The following FSTL5 variants were observed in gnomAD, a reference collection of about 807,000 sequenced individuals.
FSTL5 encodes the protein follistatin like 5.
In FSTL5, 62 loss-of-function variants were observed where a neutral mutation model predicts 89.1. The ratio of observed to expected loss-of-function variants is 0.70; its 90% CI spans 0.57 to 0.86. FSTL5 has a LOEUF of 0.86. FSTL5 is among the 40% of genes least tolerant of loss of function. FSTL5 has a pLI of 0.00. For synonymous variants in FSTL5, 383 were observed against 346.2 expected (o/e 1.11, Z -1.18); for missense variants, 1,057 against 1,001.6 (o/e 1.06, Z -0.75).
intron 10 of FSTL5, among the ~76,000 whole-genome samples, chr4:161,532,068 G>A (rs1235846353): frequency 6.6e-6 from 1 of 151,984 alleles, no homozygotes; most frequent in Non-Finnish European, 1.5e-5. Context: ...AGCCGGGCGT[G>A]GTGGTGGGCG....
At chr4:161,869,497 C>T (rs1003016622) in intron 4 of FSTL5, among the ~76,000 whole-genome samples, 3 of 152,152 alleles carry the variant, frequency 2.0e-5, no homozygotes, top group African/African-American at 7.2e-5. Flanking sequence ...TCCACCTTCC[C>T]CAGCTCTAGG....
intron 6 of FSTL5, among the ~76,000 whole-genome samples, chr4:161,721,476 T>C (rs1471141175): frequency 6.6e-6 from 1 of 152,064 alleles, no homozygotes; most frequent in Non-Finnish European, 1.5e-5. Flanking sequence ...TATATACTTA[T>C]CTCCAAACTC....
intron 6 of FSTL5, among the ~76,000 whole-genome samples, chr4:161,728,384 A>T (rs1363046781): frequency 6.6e-6 from 1 of 152,152 alleles, no homozygotes; most frequent in Non-Finnish European, 1.5e-5. Context: ...ACTGTTGATA[A>T]CCAATTGCAA....
chr4:161,594,865 G>A (rs536451337), intron 7 of FSTL5, among the ~76,000 whole-genome samples: 42 of 151,776 alleles, frequency 2.8e-4, no homozygotes, highest in Middle Eastern at 3.4e-3. Flanking sequence ...GTGCTATGCC[G>A]AACAATTTAA....
intron 1 of FSTL5, among the ~76,000 whole-genome samples, chr4:162,152,095 G>A (rs1453967585): frequency 6.6e-6 from 1 of 152,138 alleles, no homozygotes; most frequent in African/African-American, 2.4e-5. Context: ...CACAGACAGG[G>A]AAACAAACAG....
At chr4:162,004,289 T>G (rs1056787503) in intron 3 of FSTL5, among the ~76,000 whole-genome samples, 33 of 152,172 alleles carry the variant, frequency 2.2e-4, no homozygotes, top group Non-Finnish European at 3.8e-4. Context: ...TAATAGCTAT[T>G]CTTAACTACT....
At chr4:161,554,809 G>T (rs773296555) in intron 8 of FSTL5, among the ~76,000 whole-genome samples, 4 of 151,702 alleles carry the variant, frequency 2.6e-5, no homozygotes, top group Admixed American at 2.0e-4. Flanking sequence ...CTGACTCACA[G>T]CGGCAGCTGG....
intron 13 of FSTL5, among the ~76,000 whole-genome samples, chr4:161,465,934 T>C (rs1461575016): frequency 6.6e-6 from 1 of 152,206 alleles, no homozygotes; most frequent in Non-Finnish European, 1.5e-5. Flanking sequence ...GAATAATAAT[T>C]TTAAAATTGT....
intron 8 of FSTL5, among the ~76,000 whole-genome samples, 183 bp from the exon 9 acceptor site, chr4:161,542,876 A>T (rs1033024065): frequency 2.6e-5 from 4 of 152,056 alleles, no homozygotes; most frequent in Admixed American, 2.6e-4. Flanking sequence ...CCTGTATAAA[A>T]ACTATTCTGG....
intron 7 of FSTL5, among the ~76,000 whole-genome samples, chr4:161,588,919 A>C (rs1733710864): frequency 6.6e-6 from 1 of 151,912 alleles, no homozygotes; most frequent in Non-Finnish European, 1.5e-5. Flanking sequence ...TCGAGAACAT[A>C]CATTTTCATG....
At chr4:161,997,949 G>A (rs183082206) in intron 3 of FSTL5, among the ~76,000 whole-genome samples, 3 of 152,246 alleles carry the variant, frequency 2.0e-5, no homozygotes, top group Admixed American at 2.0e-4. Context: ...GTGTGTGAAT[G>A]TGAGGATGGA....
chr4:161,819,554 T>A (rs138785589), intron 4 of FSTL5, among the ~76,000 whole-genome samples: 55 of 152,138 alleles, frequency 3.6e-4, no homozygotes, highest in African/African-American at 1.3e-3. Flanking sequence ...GAAATAGACA[T>A]AGAGTGTGAC....
In FSTL5 at chr4:161,920,483, G is replaced by A. The variant is rs146771614; in HGVS notation, c.330C>T (p.Asn110=). 517 of 1,612,902 alleles carry A rather than the reference G, an allele frequency of 3.2e-4. No individual in the cohort carries two copies. Among genetic ancestry groups the A allele is most frequent in the Non-Finnish European group, 4.2e-4 (497 of 1,179,674 alleles). The change falls in exon 4 of 16, where the codon AAC becomes AAT. Residue 110 remains asparagine (N), a synonymous_variant. Transcript: ENST00000306100. The part of the protein sequence containing the change: ...VCGSDGEFYE[N]HCEVHRAACL... The stretch of plus-strand genomic sequence containing the variant: ...AAGCAGCTCTGTGCACTTCACAGTG[G>A]TTTTCATAGAATTCTCCGTCAGATC...
intron 3 of FSTL5, among the ~76,000 whole-genome samples, chr4:161,985,531 A>G (rs1049461109): frequency 1.3e-5 from 2 of 152,008 alleles, no homozygotes; most frequent in Non-Finnish European, 2.9e-5. Flanking sequence ...TAAAAATACA[A>G]TGTCTCCAAG....
chr4:161,520,735 T>C (rs1730994782), intron 10 of FSTL5, among the ~76,000 whole-genome samples: 1 of 152,212 alleles, frequency 6.6e-6, no homozygotes. Flanking sequence ...ATCTGAGTTA[T>C]GCAGTAAGAA....
chr4:161,454,304 G>A (rs1733274048), intron 15 of FSTL5, among the ~76,000 whole-genome samples: 1 of 152,058 alleles, frequency 6.6e-6, no homozygotes, highest in South Asian at 2.1e-4. Flanking sequence ...TGTTTCAACA[G>A]ATTTTAAAGA....
At chr4:161,881,193 A>G (rs970570474) in intron 4 of FSTL5, among the ~76,000 whole-genome samples, 55 of 148,602 alleles carry the variant, frequency 3.7e-4, no homozygotes, top group African/African-American at 1.3e-3. Flanking sequence ...TATATTTAAC[A>G]TTTTAATAAT....
chr4:161,782,627 T>A (rs1741714484), intron 4 of FSTL5, among the ~76,000 whole-genome samples: 2 of 152,210 alleles, frequency 1.3e-5, no homozygotes, highest in African/African-American at 4.8e-5. Flanking sequence ...GAAAACATGA[T>A]TAAGTTGATT....
chr4:161,779,805 ATATATG>A (rs1323558401), intron 4 of FSTL5, among the ~76,000 whole-genome samples: 562 of 55,348 alleles, frequency 0.01, 19 homozygotes, highest in African/African-American at 0.039. Flanking sequence ...ATATATATAT[ATATATG>A]TATATATATA....
Sources: allele counts gnomAD v4.1 joint callset (sites outside exome capture counted in the v4.1 genomes callset), GRCh38; gene constraint gnomAD v4.1.1; transcripts MANE v1.5; gene names NCBI Gene and HGNC (gene_info 2026-07-23, HGNC 2026-07-21).